The following ALPK1 variants were observed in gnomAD, a reference collection of about 807,000 sequenced individuals.
ALPK1 encodes alpha-protein kinase 1.
Under a neutral mutation model 120.6 loss-of-function variants are expected in ALPK1, and 110 were observed. The observed-to-expected ratio is 0.91, with a 90% confidence interval of 0.78 to 1.07. ALPK1 has a LOEUF of 1.07. Ranked by LOEUF, ALPK1 falls within the 50% of genes least tolerant of loss-of-function variation. The probability of loss-of-function intolerance (pLI) is 0.00; values close to 1 mark genes in which losing one functional copy is unlikely to be tolerated. For synonymous variants in ALPK1, 582 were observed against 560.3 expected, an observed-to-expected ratio of 1.04 and a Z score of -0.55; for missense variants, 1,498 against 1,483.9, an observed-to-expected ratio of 1.01 and a Z score of -0.16.
intron 1 of ALPK1, among the ~76,000 whole-genome samples, chr4:112,300,020 T>C (rs566666434): frequency 3.9e-5 from 6 of 152,228 alleles, no homozygotes; most frequent in Admixed American, 3.9e-4. Flanking sequence ...TTTCTGGGAA[T>C]CCATCCTAAG....
chr4:112,336,557 T>A (rs1729630221), intron 2 of ALPK1, among the ~76,000 whole-genome samples: 1 of 152,176 alleles, frequency 6.6e-6, no homozygotes, highest in African/African-American at 2.4e-5. Flanking sequence ...AATTCACATA[T>A]CATAAAATTT....
intron 12 of ALPK1, among the ~76,000 whole-genome samples, chr4:112,437,931 C>T (rs1578577711): frequency 6.6e-6 from 1 of 152,172 alleles, no homozygotes; most frequent in South Asian, 2.1e-4. Context: ...TCATTTACTG[C>T]CTTGTGTCTT....
intron 1 of ALPK1, among the ~76,000 whole-genome samples, chr4:112,308,892 G>C (rs560968658): frequency 1.3e-5 from 2 of 152,124 alleles, no homozygotes; most frequent in Admixed American, 1.3e-4. Flanking sequence ...TCTACCTTTG[G>C]TCTTTGATGA....
intron 4 of ALPK1, among the ~76,000 whole-genome samples, chr4:112,400,203 G>A (rs1429349542): frequency 6.6e-6 from 1 of 152,154 alleles, no homozygotes; most frequent in Non-Finnish European, 1.5e-5. Flanking sequence ...GGATGCAGAT[G>A]AGAATTATCC....
At chr4:112,423,861 A>G (rs1379995332) in intron 5 of ALPK1, 83 bp from the exon 6 acceptor site, 5 of 1,332,704 alleles carry the variant, frequency 3.8e-6, no homozygotes, top group Non-Finnish European at 5.4e-6. Context: ...GCTGCAATAT[A>G]TCAGTCTTAG....
In ALPK1 at chr4:112,440,960, T is replaced by A. The variant is rs1465603134; in HGVS notation, c.3582T>A (p.Asp1194Glu). Residue 1194 changes from aspartate (D) to glutamate (E), a missense_variant, in exon 15 of 16, where the codon GAT becomes GAA. By Grantham distance (45) the Asp-to-Glu change is conservative. Transcript: ENST00000650871. ...GNGKGLIYLTDPQIHSVDQKV... is the reference protein window; with the variant it reads ...GNGKGLIYLTEPQIHSVDQKV... Reference sequence around the variant, plus strand: ...GAAAAGGACTCATCTACCTCACAGATCCCCAGATTCACTCCGTTGATCAGA... The same window carrying A: ...GAAAAGGACTCATCTACCTCACAGAACCCCAGATTCACTCCGTTGATCAGA... The A allele has an allele frequency of 6.2e-7, 1 of 1,613,718 alleles. No individual in the cohort carries two copies. The highest frequency in any genetic ancestry group is 8.5e-7 in the Non-Finnish European group (1 of 1,179,876).
At chr4:112,310,738 C>A (rs1338970305) in intron 1 of ALPK1, among the ~76,000 whole-genome samples, 1 of 152,046 alleles carries the variant, frequency 6.6e-6, no homozygotes, top group Non-Finnish European at 1.5e-5. Context: ...ATGAGGATAA[C>A]AACGTCCATT....
intron 1 of ALPK1, among the ~76,000 whole-genome samples, chr4:112,298,698 A>T (rs555043014): frequency 6.6e-6 from 1 of 152,198 alleles, no homozygotes; most frequent in Non-Finnish European, 1.5e-5. Context: ...GATGGATATT[A>T]GGCATTATCA....
At position 112,373,977 on chromosome 4, in the gene ALPK1, T is replaced by G. The variant is rs553838810; in HGVS notation, c.-100-3701T>G. The stretch of plus-strand genomic sequence containing the variant: ...TTCAATGTTGATGGTTGCTGACTGA[T>G]CAGAGTGATCGTTGCTGAAGGCTGG... On this transcript the variant is annotated intron_variant, in intron 2 of 15. Transcript: ENST00000650871. 7.9e-5 allele frequency among the ~76,000 whole-genome samples: 12 copies of G among 152,332 alleles called. No individual in the cohort carries two copies. In the East Asian group the frequency reaches 2.3e-3, roughly 29 times the overall value.
intron 2 of ALPK1, among the ~76,000 whole-genome samples, chr4:112,334,001 C>T (rs1246973541): frequency 6.6e-6 from 1 of 151,878 alleles, no homozygotes; most frequent in African/African-American, 2.4e-5. Context: ...CATAGAGCAA[C>T]ACTGATGTAT....
chr4:112,358,296 A>G (rs1290406462), intron 2 of ALPK1: 13 of 600,642 alleles, frequency 2.2e-5, no homozygotes, highest in Non-Finnish European at 3.7e-5. Context: ...AGGGTGTACA[A>G]CTTCGGCCAT....
chr4:112,359,017 G>A (rs1730783352), intron 2 of ALPK1: 1 of 765,816 alleles, frequency 1.3e-6, no homozygotes, highest in Admixed American at 1.7e-5. Flanking sequence ...CAAGGCTGTG[G>A]CTATCGGCCA....
intron 4 of ALPK1, among the ~76,000 whole-genome samples, chr4:112,403,684 C>T (rs1733030189): frequency 6.6e-6 from 1 of 152,194 alleles, no homozygotes; most frequent in Non-Finnish European, 1.5e-5. Context: ...TGAGTTTGGC[C>T]TCTCAGCAGT....
intron 2 of ALPK1, among the ~76,000 whole-genome samples, chr4:112,335,528 A>G (rs945592269): frequency 6.6e-6 from 1 of 152,186 alleles, no homozygotes; most frequent in Non-Finnish European, 1.5e-5. Context: ...GAACAAGCTC[A>G]CTGGAATCCT....
chr4:112,425,665 G>A lies in ALPK1; in HGVS notation c.536G>A (p.Gly179Asp), dbSNP rs777488331. 1.2e-6 allele frequency: 2 copies of A among 1,611,898 alleles called. No individual in the cohort carries two copies. The highest frequency in any genetic ancestry group is 1.7e-5 in the Admixed American group (1 of 59,956). The change falls in exon 7 of 16, where the codon GGT (glycine) becomes GAT (aspartate). Residue 179 changes from glycine (G) to aspartate (D), a missense_variant and splice_region_variant. Transcript: ENST00000650871. ...AGGGAATTTTCATCTTTTCTTTTAGGTACCTGGCTGTACAGAAATGAAAGT... is the reference window on the plus strand; with the variant it reads ...AGGGAATTTTCATCTTTTCTTTTAGATACCTGGCTGTACAGAAATGAAAGT... The part of the protein sequence containing the change: ...SSLISNNGAT[G>D]TWLYRNESDK...
At chr4:112,308,794 G>A (rs1485227128) in intron 1 of ALPK1, among the ~76,000 whole-genome samples, 2 of 152,128 alleles carry the variant, frequency 1.3e-5, no homozygotes, top group South Asian at 2.1e-4. Context: ...CTGGAGAGGA[G>A]CTGCGTTCCT....
At chr4:112,385,965 T>A (rs903616866) in intron 4 of ALPK1, among the ~76,000 whole-genome samples, 1 of 152,238 alleles carries the variant, frequency 6.6e-6, no homozygotes, top group Non-Finnish European at 1.5e-5. Context: ...ATAAGCATTG[T>A]ACTCAGAGCA....
At chr4:112,357,279 C>A in intron 2 of ALPK1, 1 of 1,169,634 alleles carries the variant, frequency 8.5e-7, no homozygotes, top group Non-Finnish European at 1.2e-6. Flanking sequence ...GGGGTGTTCG[C>A]CAACACAGCC....
At chr4:112,433,395 C>T (rs1202960065) in intron 11 of ALPK1, among the ~76,000 whole-genome samples, 1 of 152,174 alleles carries the variant, frequency 6.6e-6, no homozygotes, top group East Asian at 1.9e-4. Flanking sequence ...GAGGAATCTA[C>T]CCCTCAGGAC....
Sources: gnomAD v4.1 joint callset for allele counts (sites outside exome capture counted in the v4.1 genomes callset) on GRCh38, gnomAD v4.1.1 for gene constraint, MANE v1.5 for transcripts, NCBI Gene and HGNC (gene_info 2026-07-23, HGNC 2026-07-21) for gene names.